The following ZNF438 variants were observed in gnomAD, a reference collection of about 807,000 sequenced individuals.
ZNF438 encodes the protein zinc finger protein 438.
A neutral mutation model predicts 38.0 loss-of-function variants in ZNF438; 25 were observed. The ratio of observed to expected loss-of-function variants is 0.66; its 90% CI spans 0.48 to 0.92. ZNF438 has a LOEUF of 0.92. ZNF438 is among the 40% of genes least tolerant of loss of function. The pLI, the probability that ZNF438 is intolerant of heterozygous loss-of-function variation, is 0.00. For missense variants in ZNF438, 1,007 were observed against 999.6 expected, an observed-to-expected ratio of 1.01 and a Z score of -0.10; for synonymous variants, 372 against 364.1, an observed-to-expected ratio of 1.02 and a Z score of -0.25.
chr10:30,980,338 G>C (rs967208309), intron 1 of ZNF438, among the ~76,000 whole-genome samples: 5 of 151,970 alleles, frequency 3.3e-5, no homozygotes, highest in Non-Finnish European at 7.4e-5. Flanking sequence ...AGGCCGGTTA[G>C]AAGACGATAT....
At chr10:30,982,259 G>A (rs1355678682) in intron 1 of ZNF438, among the ~76,000 whole-genome samples, 6 of 151,740 alleles carry the variant, frequency 4.0e-5, no homozygotes, top group African/African-American at 1.2e-4. Context: ...CTGCCACCAC[G>A]CCTGGCTAAT....
chr10:30,915,354 G>A (rs926986433), intron 2 of ZNF438, among the ~76,000 whole-genome samples: 1 of 152,002 alleles, frequency 6.6e-6, no homozygotes, highest in African/African-American at 2.4e-5. Context: ...GGCACTTCCT[G>A]TGATAAATGA....
intron 1 of ZNF438, among the ~76,000 whole-genome samples, chr10:30,954,725 C>T (rs893146152): frequency 1.3e-5 from 2 of 152,042 alleles, no homozygotes; most frequent in Admixed American, 6.6e-5. Flanking sequence ...ATTAATGGAG[C>T]GGGCTACAAT....
At chr10:30,860,004 T>C (rs2934654) in intron 4 of ZNF438, among the ~76,000 whole-genome samples, 18,297 of 152,008 alleles carry the variant, frequency 0.12, 1,459 homozygotes, top group Middle Eastern at 0.24. Flanking sequence ...GGCCCTTCAT[T>C]TTCCCCCCGA....
chr10:31,015,099 G>A (rs1416057647), intron 1 of ZNF438, among the ~76,000 whole-genome samples: 2 of 152,156 alleles, frequency 1.3e-5, no homozygotes, highest in Non-Finnish European at 2.9e-5. Flanking sequence ...CTGGCTTCAA[G>A]CGATCCTCCG....
At chr10:30,860,910 G>C (rs2133141993) in intron 4 of ZNF438, among the ~76,000 whole-genome samples, 1 of 152,244 alleles carries the variant, frequency 6.6e-6, no homozygotes, top group African/African-American at 2.4e-5. Context: ...CCTGTGATGG[G>C]GGATGGGGCC....
At chr10:30,898,279 C>G (rs149265413) in intron 3 of ZNF438, among the ~76,000 whole-genome samples, 2 of 152,204 alleles carry the variant, frequency 1.3e-5, no homozygotes, top group East Asian at 3.9e-4. Context: ...ATGAGAACAA[C>G]AAGAATAAAG....
chr10:30,850,190 A>G (rs2132763476), exon 5 of ZNF438: 2 of 1,614,154 alleles, frequency 1.2e-6, no homozygotes, highest in African/African-American at 1.3e-5. Context: ...CATCCCCAGC[A>G]GCTTGGAGTT....
At chr10:30,936,941 A>G (rs2046322881) in intron 2 of ZNF438, among the ~76,000 whole-genome samples, 1 of 152,192 alleles carries the variant, frequency 6.6e-6, no homozygotes, top group Admixed American at 6.5e-5. Flanking sequence ...TAAACACATC[A>G]AAGAGATATG....
At chr10:30,933,537 GA>G (rs2045916573) in intron 2 of ZNF438, among the ~76,000 whole-genome samples, 1 of 152,306 alleles carries the variant, frequency 6.6e-6, no homozygotes, top group African/African-American at 2.4e-5. Context: ...AGGGTCGCTT[GA>G]GCCTAGCAGT....
At chr10:30,878,503 C>T (rs2038778598) in intron 3 of ZNF438, among the ~76,000 whole-genome samples, 1 of 152,118 alleles carries the variant, frequency 6.6e-6, no homozygotes, top group Admixed American at 6.6e-5. Context: ...CACCATCCTT[C>T]AAGTGTCAGC....
At chr10:30,996,568 G>A (rs1370999365) in intron 1 of ZNF438, among the ~76,000 whole-genome samples, 1 of 151,690 alleles carries the variant, frequency 6.6e-6, no homozygotes, top group Non-Finnish European at 1.5e-5. Context: ...AACAAGAGAA[G>A]GAAGAAAAGA....
At chr10:30,959,550 A>G (rs2049238435) in intron 1 of ZNF438, among the ~76,000 whole-genome samples, 2 of 140,536 alleles carry the variant, frequency 1.4e-5, no homozygotes, top group South Asian at 4.7e-4. Flanking sequence ...CATCCTGGCT[A>G]ACACGGTGAA....
intron 1 of ZNF438, among the ~76,000 whole-genome samples, chr10:30,970,424 C>A (rs2136213294): frequency 6.6e-6 from 1 of 152,186 alleles, no homozygotes; most frequent in East Asian, 1.9e-4. Context: ...AATTTCGACC[C>A]TACAGCTGTA....
intron 1 of ZNF438, among the ~76,000 whole-genome samples, chr10:31,011,826 T>C (rs2055731550): frequency 1.3e-5 from 2 of 152,336 alleles, no homozygotes; most frequent in Admixed American, 1.3e-4. Flanking sequence ...AGATGTTATG[T>C]CTCTGACTCA....
At chr10:30,983,464 G>C (rs1172284942) in intron 1 of ZNF438, among the ~76,000 whole-genome samples, 1 of 152,040 alleles carries the variant, frequency 6.6e-6, no homozygotes, top group Non-Finnish European at 1.5e-5. Context: ...TAAACAACCG[G>C]ATCTCATGAG....
At position 30,913,016 on chromosome 10, in the gene ZNF438, A is replaced by G. The variant is rs535457782; in HGVS notation, c.-114-4001T>C. 3.7e-4 allele frequency among the ~76,000 whole-genome samples: 56 copies of G among 152,144 alleles called. No individual in the cohort carries two copies. In the Middle Eastern group the frequency reaches 0.01, roughly 28 times the overall value. ...AAGGATTAAATCTGTTATCTTTTCTATAACTGCACCACTATAACTTTACCC... is the reference window on the plus strand; with the variant it reads ...AAGGATTAAATCTGTTATCTTTTCTGTAACTGCACCACTATAACTTTACCC... On this transcript the variant is annotated intron_variant, in intron 2 of 5. Coordinates refer to ENST00000413025, the Ensembl canonical transcript of ZNF438.
intron 1 of ZNF438, among the ~76,000 whole-genome samples, chr10:30,976,468 G>A (rs1311428981): frequency 1.3e-5 from 2 of 152,200 alleles, no homozygotes; most frequent in African/African-American, 4.8e-5. Context: ...ATGGCTGGGT[G>A]CAGTGGCACA....
At chr10:30,895,812 T>C (rs367855934) in intron 3 of ZNF438, among the ~76,000 whole-genome samples, 1 of 152,230 alleles carries the variant, frequency 6.6e-6, no homozygotes, top group East Asian at 1.9e-4. Context: ...CTCACACTCA[T>C]TAGGATGGCT....
Sources: gnomAD v4.1 joint callset for allele counts (sites outside exome capture counted in the v4.1 genomes callset) on GRCh38, gnomAD v4.1.1 for gene constraint, MANE v1.5 for transcripts, NCBI Gene and HGNC (gene_info 2026-07-23, HGNC 2026-07-21) for gene names.